CELSR3: variants seen among roughly 807,000 people sequenced by gnomAD.
CELSR3 encodes the protein EGF-like protein 1.
In CELSR3, 73 loss-of-function variants were observed where a neutral mutation model predicts 270.0. That is an observed-to-expected ratio of 0.27 (90% CI 0.22 to 0.33). The LOEUF (loss-of-function observed/expected upper bound fraction) is 0.33, where lower values mean the gene tolerates loss of function less well. Among genes scored for constraint, CELSR3 ranks in the 10% least tolerant of loss-of-function variants. The pLI is 1.00. For missense variants in CELSR3, 3,614 were observed against 4,533.8 expected, an observed-to-expected ratio of 0.80 and a Z score of 5.83; for synonymous variants, 1,780 against 1,905.4, an observed-to-expected ratio of 0.93 and a Z score of 1.71.
chr3:48,643,387 C>T (rs1291279861), intron 28 of CELSR3, 167 bp downstream of exon 28: 2 of 971,408 alleles, frequency 2.1e-6, no homozygotes, highest in East Asian at 2.6e-5. Flanking sequence ...AGCTCCAGGC[C>T]TGGGGGCAGC....
rs192155303 is a variant in CELSR3, at chr3:48,649,738, G to A, written c.6473-523C>T. 4.6e-4 allele frequency among the ~76,000 whole-genome samples: 70 copies of A among 152,236 alleles called. 1 individual carries two copies. The highest frequency in any genetic ancestry group is 1.7e-3 in the African/African-American group (69 of 41,528). On this transcript the variant is annotated intron_variant, in intron 16 of 34. Transcript: ENST00000164024. ...TGTCTCTGGGGTTGGGATGGAGGTT[G>A]AATGAGAATTGACTTGGATCTTAAA...
In CELSR3 at chr3:48,645,516, T is replaced by C. The variant is rs375670832; in HGVS notation, c.7724A>G (p.His2575Arg). ...RSLKSNVRGI[H>R]ANVAAALGVA... Reference sequence around the variant, plus strand: ...CCCCAGGGCGGCTGCCACATTGGCATGGATCCCACGCACATTGGACTTGAG... The same window carrying C: ...CCCCAGGGCGGCTGCCACATTGGCACGGATCCCACGCACATTGGACTTGAG... The change falls in exon 24 of 35, where the codon CAT becomes CGT. Residue 2575 changes from histidine (H) to arginine (R), a missense_variant. Around this residue, in one of 7 missense-constraint regions of CELSR3, gnomAD observed 1,240 missense variants for 1,351.7 expected, o/e 0.92. Transcript: ENST00000164024. The surrounding 1 kb of genome is among the most constrained non-coding windows in gnomAD (Gnocchi z 5.4). 1.3e-5 allele frequency: 21 copies of C among 1,612,706 alleles called. No individual in the cohort carries two copies. In the East Asian group the frequency reaches 1.8e-4, roughly 14 times the overall value.
At position 48,641,589 on chromosome 3, in the gene CELSR3, C is replaced by G. The variant is rs1559475461; in HGVS notation, c.8825-65G>C. ...TCCCAGTGACTCATGACCCCTGACC[C>G]TAATGACCCTTGAAACCCTGGCTGT... On this transcript the variant is annotated intron_variant, in intron 32 of 34. Coordinates refer to ENST00000164024, the MANE Select transcript of CELSR3 (RefSeq NM_001407.3). This position sits in a 1 kb window ranked among gnomAD's most constrained non-coding sequence, Gnocchi z 4.8. 2 of 1,240,088 alleles carry G rather than the reference C, an allele frequency of 1.6e-6. No homozygotes were observed. Among genetic ancestry groups the G allele is most frequent in the Non-Finnish European group, 2.3e-6 (2 of 857,582 alleles). The allele number at this position is 1,240,088 out of a possible 1,614,324, so 76.8% of individuals were successfully genotyped here.
Position 48,651,598 on chromosome 3 carries a change from A to C in CELSR3, c.6044T>G (p.Phe2015Cys). 6.3e-7 allele frequency: 1 copy of C among 1,577,036 alleles called. No individual in the cohort carries two copies. The highest frequency in any genetic ancestry group is 8.6e-7 in the Non-Finnish European group (1 of 1,158,756). Residue 2015 changes from phenylalanine to cysteine, a missense_variant, in exon 13 of 35, where the codon TTC becomes TGC. Around this residue, in one of 7 missense-constraint regions of CELSR3, gnomAD observed 1,331 missense variants for 1,933.7 expected, o/e 0.69. Transcript: ENST00000164024. The surrounding 1 kb of genome is among the most constrained non-coding windows in gnomAD (Gnocchi z 7.4). ...TTACCTGTGCTCACAGTGGTGCCCG[A>C]AATAGCCACCCACACAGTCACAGGT... ...GYTCDCVGGY[F>C]GHHCEHRMDQ...
In CELSR3 at chr3:48,653,804, A is replaced by G; in HGVS notation, c.5279-16T>C. 5 of 1,613,426 alleles carry G rather than the reference A, an allele frequency of 3.1e-6. No homozygotes were observed. The highest frequency in any genetic ancestry group is 3.4e-6 in the Non-Finnish European group (4 of 1,179,448). ...TGGGCCATAGCTGAGTGGATAAGAGAAACAGGGTTACAGCCCCTGCCCCAG... is the reference window on the plus strand; with the variant it reads ...TGGGCCATAGCTGAGTGGATAAGAGGAACAGGGTTACAGCCCCTGCCCCAG... On this transcript the variant is annotated splice_polypyrimidine_tract_variant and intron_variant, in intron 8 of 34. Coordinates refer to ENST00000164024, the MANE Select transcript of CELSR3 (RefSeq NM_001407.3). This position sits in a 1 kb window ranked among gnomAD's most constrained non-coding sequence, Gnocchi z 6.5.
At position 48,650,609 on chromosome 3, in the gene CELSR3, G is replaced by A. The variant is rs755315283; in HGVS notation, c.6371-28C>T. On this transcript the variant is annotated intron_variant, in intron 15 of 34. Coordinates refer to ENST00000164024, the MANE Select transcript of CELSR3 (RefSeq NM_001407.3). This position sits in a 1 kb window ranked among gnomAD's most constrained non-coding sequence, Gnocchi z 5.1. ...AGAGAGAGAAGAGGTGCTGAGCCAGGCAGTCAGGGTACAGGGCAGTTGACA... is the reference window on the plus strand; with the variant it reads ...AGAGAGAGAAGAGGTGCTGAGCCAGACAGTCAGGGTACAGGGCAGTTGACA... 5 of 1,574,734 alleles carry A rather than the reference G, an allele frequency of 3.2e-6. No homozygotes were observed. The highest frequency in any genetic ancestry group is 3.5e-6 in the Non-Finnish European group (4 of 1,159,326).
Position 48,653,813 on chromosome 3 carries a change from T to A in CELSR3, c.5279-25A>T. On this transcript the variant is annotated intron_variant, in intron 8 of 34. Transcript: ENST00000164024. The surrounding 1 kb of genome is among the most constrained non-coding windows in gnomAD (Gnocchi z 6.5). ...GCTGAGTGGATAAGAGAAACAGGGT[T>A]ACAGCCCCTGCCCCAGGAACAGATC... is the stretch of plus-strand genomic sequence containing the variant. 5 of 1,612,920 alleles carry A rather than the reference T, an allele frequency of 3.1e-6. No homozygotes were observed. The highest frequency in any genetic ancestry group is 4.2e-6 in the Non-Finnish European group (5 of 1,179,058).
Position 48,654,357 on chromosome 3 carries a change from C to T in CELSR3, c.5084G>A (p.Arg1695Gln), listed in dbSNP as rs1338513853. The T allele has an allele frequency of 6.8e-6, 11 of 1,614,020 alleles. No individual in the cohort carries two copies. Among genetic ancestry groups the T allele is most frequent in the Non-Finnish European group, 7.6e-6 (9 of 1,179,986 alleles). ...TCGGCGGCCATCAATGTGCAGGTCC[C>T]GCATACAGCCGATGAAGTCCTTATG... Reference protein sequence around the residue: ...VSHKDFIGCMRDLHIDGRRVD... With the variant: ...VSHKDFIGCMQDLHIDGRRVD... The change falls in exon 7 of 35, where the codon CGG (arginine) becomes CAG (glutamine). Residue 1695 changes from arginine (R) to glutamine (Q), a missense_variant. Arg to Gln is a conservative substitution (Grantham distance 43, BLOSUM62 1). Transcript: ENST00000164024. This position sits in a 1 kb window ranked among gnomAD's most constrained non-coding sequence, Gnocchi z 5.4.
rs1399913234 is a variant in CELSR3 at position 48,653,789 on chromosome 3, C to A, written c.5279-1G>T. On this transcript the variant is annotated splice_acceptor_variant, in intron 8 of 34. Transcript: ENST00000164024. LOFTEE classifies it high-confidence loss of function. The surrounding 1 kb of genome is among the most constrained non-coding windows in gnomAD (Gnocchi z 6.5). ...CGGAAATGGTGGGGATGGGCCATAG[C>A]TGAGTGGATAAGAGAAACAGGGTTA... 1 of 1,613,992 alleles carries A rather than the reference C, an allele frequency of 6.2e-7. No individual in the cohort carries two copies. The highest frequency in any genetic ancestry group is 8.5e-7 in the Non-Finnish European group (1 of 1,179,924).
chr3:48,638,261 G>A (rs997019553), intron 34 of CELSR3, 29 bp from the exon 35 acceptor site: 1 of 1,596,806 alleles, frequency 6.3e-7, no homozygotes, highest in Admixed American at 1.7e-5. Flanking sequence ...ATCAGAGGTT[G>A]ATGCCCAGAG....
Position 48,646,670 on chromosome 3 carries a change from CTG to C in CELSR3, c.7295+91_7295+92del. On this transcript the variant is annotated intron_variant, in intron 21 of 34. Transcript: ENST00000164024. This position sits in a 1 kb window ranked among gnomAD's most constrained non-coding sequence, Gnocchi z 4.8. ...GGGCTCCCTGGAGCTGTGCTCCTCT[CTG>C]TGTGTTGTGAACCTACGCATCTACC... 1 of 1,291,038 alleles carries C rather than the reference CTG, an allele frequency of 7.7e-7. No homozygotes were observed. The highest frequency in any genetic ancestry group is 2.2e-5 in the Admixed American group (1 of 44,644). The allele number at this position is 1,291,038 out of a possible 1,614,324, so 80.0% of individuals were successfully genotyped here.
In CELSR3 at chr3:48,645,865, CGCCCTGCAGCCACAGGGCAGTT is replaced by C; in HGVS notation, c.7464-19_7466del. 1 of 1,595,184 alleles carries C rather than the reference CGCCCTGCAGCCACAGGGCAGTT, an allele frequency of 6.3e-7. No individual in the cohort carries two copies. Among genetic ancestry groups the C allele is most frequent in the Non-Finnish European group, 8.6e-7 (1 of 1,168,362 alleles). On this transcript the variant is annotated splice_acceptor_variant and splice_polypyrimidine_tract_variant and coding_sequence_variant and intron_variant, in exon 23 of 35. Transcript: ENST00000164024. LOFTEE classifies it high-confidence loss of function. The surrounding 1 kb of genome is among the most constrained non-coding windows in gnomAD (Gnocchi z 5.4). ...GTGCTGTCCACACACCATGCTGCTC[CGCCCTGCAGCCACAGGGCAGTT>C]AGACACAACTGTGACCCAGTGTCAG... is the stretch of plus-strand genomic sequence containing the variant.
intron 20 of CELSR3, among the ~76,000 whole-genome samples, chr3:48,647,637 T>G (rs1009425456): frequency 2.5e-3 from 23 of 9,170 alleles, no homozygotes; most frequent in South Asian, 6.8e-3. Context: ...GGAGGGAGGG[T>G]GGAGGGGAGA....
Position 48,644,938 on chromosome 3 carries a change from G to A in CELSR3, c.7972+97C>T, listed in dbSNP as rs2047065389. ...CAGAGCAGCAACCCCATGAATAGAT[G>A]GCTTGGGGTTTGAGGTTGGGGGTCA... On this transcript the variant is annotated intron_variant, in intron 25 of 34. Transcript: ENST00000164024. This position sits in a 1 kb window ranked among gnomAD's most constrained non-coding sequence, Gnocchi z 4.8. 13 of 1,514,320 alleles carry A rather than the reference G, an allele frequency of 8.6e-6. No homozygotes were observed. The highest frequency in any genetic ancestry group is 2.7e-6 in the Non-Finnish European group (3 of 1,105,224). 93.8% of individuals were successfully genotyped at this position (1,514,320 alleles called of 1,614,324 possible).
chr3:48,654,648 G>C lies in CELSR3; in HGVS notation c.4989-196C>G, dbSNP rs1559480308. On this transcript the variant is annotated intron_variant, in intron 6 of 34. Coordinates refer to ENST00000164024, the MANE Select transcript of CELSR3 (RefSeq NM_001407.3). The surrounding 1 kb of genome is among the most constrained non-coding windows in gnomAD (Gnocchi z 5.4). ...GGCACCCGTGATGGGCCGATGGTCT[G>C]GGGAAAGGTAGGTGAATGGGGGTTG... is the stretch of plus-strand genomic sequence containing the variant. 6.6e-6 allele frequency among the ~76,000 whole-genome samples: 1 copy of C among 151,610 alleles called. No individual in the cohort carries two copies.
In CELSR3 at chr3:48,651,004, C is replaced by T. The variant is rs371573433; in HGVS notation, c.6258G>A (p.Ser2086=). The change falls in exon 15 of 35, where the codon TCG becomes TCA. Residue 2086 remains serine (S), a synonymous_variant. Transcript: ENST00000164024. This position sits in a 1 kb window ranked among gnomAD's most constrained non-coding sequence, Gnocchi z 7.4. ...PCDCYPVGST[S]RSCAPHSGQC... is the part of the protein sequence containing the mutation. ...GCCCGCTGTGGGGTGCACATGAGCG[C>T]GAGGTGGAGCCCACAGGGTAGCAGT... The T allele has an allele frequency of 3.1e-6, 5 of 1,607,284 alleles. No individual in the cohort carries two copies. The highest frequency in any genetic ancestry group is 2.2e-5 in the East Asian group (1 of 44,818).
Position 48,646,923 on chromosome 3 carries a change from G to A in CELSR3, c.7135C>T (p.Pro2379Ser). Residue 2379 changes from proline (P) to serine (S), a missense_variant, in exon 21 of 35, where the codon CCC (proline) becomes TCC (serine). Physicochemically the swap from Pro to Ser is moderately conservative, Grantham distance 74. Transcript: ENST00000164024. The surrounding 1 kb of genome is among the most constrained non-coding windows in gnomAD (Gnocchi z 4.8). Reference protein sequence around the residue: ...SPRPSPSEVLPTSSSIENSTT... With the variant: ...SPRPSPSEVLSTSSSIENSTT... ...GAGTTTTCTATGCTGCTGCTTGTGG[G>A]CAGAACTGCCAGGAGAGAAGGAGGA... is the stretch of plus-strand genomic sequence containing the variant. 6.5e-7 allele frequency: 1 copy of A among 1,536,894 alleles called. No individual in the cohort carries two copies. Among genetic ancestry groups the A allele is most frequent in the Non-Finnish European group, 8.7e-7 (1 of 1,146,892 alleles).
rs1360766627 is a variant in CELSR3 at position 48,651,854 on chromosome 3, C to T, written c.5923+23G>A. ...CCTAACGCCTGCCCAGGTCACCCTTCCCCCAACCCTCTCAAGGCTCACCTG... is the reference window on the plus strand; with the variant it reads ...CCTAACGCCTGCCCAGGTCACCCTTTCCCCAACCCTCTCAAGGCTCACCTG... On this transcript the variant is annotated intron_variant, in intron 12 of 34. Transcript: ENST00000164024. The surrounding 1 kb of genome is among the most constrained non-coding windows in gnomAD (Gnocchi z 7.4). 1 of 1,596,074 alleles carries T rather than the reference C, an allele frequency of 6.3e-7. No individual in the cohort carries two copies. Among genetic ancestry groups the T allele is most frequent in the Non-Finnish European group, 8.5e-7 (1 of 1,172,598 alleles).
chr3:48,639,525 G>A lies in CELSR3; in HGVS notation c.9911+149C>T. On this transcript the variant is annotated intron_variant, in intron 34 of 34. Transcript: ENST00000164024. This position sits in a 1 kb window ranked among gnomAD's most constrained non-coding sequence, Gnocchi z 4.1. ...ATTTCTTGCCAGATTCCTGTCCCCA[G>A]CCTGTGGCCCTCTGGCTGTGCTGAG... 1 of 1,065,240 alleles carries A rather than the reference G, an allele frequency of 9.4e-7. No individual in the cohort carries two copies. Among genetic ancestry groups the A allele is most frequent in the Non-Finnish European group, 1.3e-6 (1 of 746,766 alleles). 66.0% of individuals were successfully genotyped at this position (1,065,240 alleles called of 1,614,324 possible).
Sources: gnomAD v4.1 joint callset for allele counts (sites outside exome capture counted in the v4.1 genomes callset) on GRCh38, gnomAD v4.1.1 for gene constraint, gnomAD v4.1.1 regional missense constraint, Gnocchi (gnomAD v3.1) non-coding constraint, MANE v1.5 for transcripts, NCBI Gene and HGNC (gene_info 2026-07-23, HGNC 2026-07-21) for gene names.